The following LMO7 variants were observed in gnomAD, a reference collection of about 807,000 sequenced individuals.
The protein encoded by LMO7 is LIM domain 7.
LMO7 carries 120 observed loss-of-function variants against 206.5 expected under a neutral mutation model. The observed-to-expected ratio is 0.58, with a 90% CI of 0.50 to 0.68. LMO7 has a LOEUF of 0.68. Ranked by LOEUF, LMO7 falls within the 30% of genes least tolerant of loss-of-function variation. The pLI, the probability that LMO7 is intolerant of heterozygous loss-of-function variation, is 0.00. For missense variants in LMO7, 1,959 were observed against 1,957.9 expected (o/e 1.00, Z -0.01); for synonymous variants, 706 against 681.5 (o/e 1.04, Z -0.56).
chr13:75,658,402 A>G (rs2038252934), intron 1 of LMO7, among the ~76,000 whole-genome samples: 1 of 152,128 alleles, frequency 6.6e-6, no homozygotes, highest in African/African-American at 2.4e-5. Flanking sequence ...GAGAATCAAC[A>G]TCTTTACAAT....
At chr13:75,671,390 A>G (rs2039566952) in intron 1 of LMO7, among the ~76,000 whole-genome samples, 1 of 152,146 alleles carries the variant, frequency 6.6e-6, no homozygotes, top group Non-Finnish European at 1.5e-5. Context: ...TTGCACTATG[A>G]TAGTGTGATT....
intron 15 of LMO7, among the ~76,000 whole-genome samples, chr13:75,828,093 G>T (rs927665616): frequency 6.6e-6 from 1 of 152,224 alleles, no homozygotes; most frequent in Admixed American, 6.5e-5. Flanking sequence ...AGCTAAGTAT[G>T]TGAGAATTAA....
intron 2 of LMO7, among the ~76,000 whole-genome samples, chr13:75,626,595 A>ATATATATTTTTTTTTTTTT: frequency 1.4e-5 from 1 of 71,180 alleles, no homozygotes; most frequent in South Asian, 4.8e-4. Flanking sequence ...ATATATATAA[A>ATATATATTTTTTTTTTTTT]TTTTTTTGAG....
intron 2 of LMO7, among the ~76,000 whole-genome samples, chr13:75,722,137 A>G (rs1021129262): frequency 1.3e-5 from 2 of 152,220 alleles, no homozygotes; most frequent in African/African-American, 4.8e-5. Context: ...CCTTCTAGAC[A>G]TTGGCTTAGG....
At chr13:75,823,009 A>G (rs538481208) in intron 14 of LMO7, among the ~76,000 whole-genome samples, 3 of 152,030 alleles carry the variant, frequency 2.0e-5, no homozygotes, top group South Asian at 2.1e-4. Flanking sequence ...TGTCCATACT[A>G]TGGAACATTC....
chr13:75,796,831 CCTT>C (rs2054080846), intron 6 of LMO7, 82 bp downstream of exon 6: 2 of 864,290 alleles, frequency 2.3e-6, no homozygotes, highest in Non-Finnish European at 3.8e-6. Flanking sequence ...TTTTTCTTCT[CCTT>C]CTCCTCTATA....
intron 1 of LMO7, among the ~76,000 whole-genome samples, chr13:75,680,381 T>C (rs2040375503): frequency 1.3e-5 from 2 of 152,334 alleles, no homozygotes; most frequent in Non-Finnish European, 2.9e-5. Flanking sequence ...ATCCTTATAA[T>C]AGAATGATTT....
At chr13:75,637,792 C>T (rs1326373912) in intron 1 of LMO7, among the ~76,000 whole-genome samples, 1 of 152,148 alleles carries the variant, frequency 6.6e-6, no homozygotes, top group Non-Finnish European at 1.5e-5. Flanking sequence ...AATTACATTT[C>T]TTACGCTAAA....
At chr13:75,845,512 CT>C in intron 26 of LMO7, 133 bp downstream of exon 26, 1 of 552,130 alleles carries the variant, frequency 1.8e-6, no homozygotes, top group Non-Finnish European at 3.2e-6. Flanking sequence ...GTATTTTAAC[CT>C]CTGTATATAA....
chr13:75,711,831 G>A (rs968534382), intron 1 of LMO7, among the ~76,000 whole-genome samples: 1 of 152,102 alleles, frequency 6.6e-6, no homozygotes, highest in African/African-American at 2.4e-5. Context: ...TTTTTCTTTC[G>A]GTAAATTCCT....
intron 26 of LMO7, among the ~76,000 whole-genome samples, chr13:75,846,696 C>T (rs2060020926): frequency 1.3e-5 from 2 of 152,008 alleles, no homozygotes; most frequent in South Asian, 4.1e-4. Flanking sequence ...TATATGTTTT[C>T]CCCCCTTTAT....
chr13:75,712,620 G>A (rs775983500), intron 1 of LMO7, among the ~76,000 whole-genome samples: 18 of 152,050 alleles, frequency 1.2e-4, no homozygotes, highest in African/African-American at 2.4e-4. Context: ...GTCTCTCTGC[G>A]CCAGGATTTA....
chr13:75,756,189 C>T (rs2047670966), intron 3 of LMO7, among the ~76,000 whole-genome samples: 1 of 152,162 alleles, frequency 6.6e-6, no homozygotes, highest in East Asian at 1.9e-4. Flanking sequence ...TATTGTCCTC[C>T]AGTCATCTCA....
chr13:75,695,939 A>G (rs1299154283), intron 1 of LMO7, among the ~76,000 whole-genome samples: 2 of 152,250 alleles, frequency 1.3e-5, no homozygotes, highest in Non-Finnish European at 2.9e-5. Flanking sequence ...AGATCTAGCC[A>G]TTAAAAATAG....
At chr13:75,639,567 G>GT (rs35743098) in intron 1 of LMO7, among the ~76,000 whole-genome samples, 45,977 of 152,018 alleles carry the variant, frequency 0.3, 7,115 homozygotes, top group Middle Eastern at 0.35. Flanking sequence ...TGATGAAGTG[G>GT]TGGAAAATAC....
intron 12 of LMO7, 25 bp from the exon 13 acceptor site, chr13:75,819,368 C>G (rs764798210): frequency 1.9e-6 from 3 of 1,574,064 alleles, no homozygotes; most frequent in South Asian, 1.2e-5. Context: ...CAGGTGTGCC[C>G]CTGCTGATGT....
chr13:75,681,636 C>G (rs1425287100), intron 1 of LMO7, among the ~76,000 whole-genome samples: 2 of 147,626 alleles, frequency 1.4e-5, no homozygotes, highest in Admixed American at 7.0e-5. Flanking sequence ...AACCCCTGAT[C>G]TGCTTTTAGT....
At chr13:75,667,119 A>T (rs2039143114) in intron 1 of LMO7, among the ~76,000 whole-genome samples, 1 of 152,026 alleles carries the variant, frequency 6.6e-6, no homozygotes, top group African/African-American at 2.4e-5. Context: ...ATTGTCTCTG[A>T]TGAGAAGTAA....
rs866396286 is a variant in LMO7, at chr13:75,733,619, G to A, written c.210+6521G>A. ...CTCGCCCTGCTTTGGCTCATGCATC[G>A]TGCACTGCACCCACTGTCCTGCGCC... On this transcript the variant is annotated intron_variant, in intron 3 of 30. Coordinates refer to ENST00000377534, the MANE Select transcript of LMO7 (RefSeq NM_001306080.2). Among the ~76,000 whole-genome samples, 12 of 152,076 alleles carry A rather than the reference G, an allele frequency of 7.9e-5. No individual in the cohort carries two copies. The East Asian group carries it at 1.7e-3, about 22-fold the overall frequency.
Sources: allele counts gnomAD v4.1 joint callset (sites outside exome capture counted in the v4.1 genomes callset), GRCh38; gene constraint gnomAD v4.1.1; transcripts MANE v1.5; gene names NCBI Gene and HGNC (gene_info 2026-07-23, HGNC 2026-07-21).